STAB2: variants seen among roughly 807,000 people sequenced by gnomAD.
STAB2 encodes stabilin 2, also known as stabilin-2.
Under a neutral mutation model 338.1 loss-of-function variants are expected in STAB2, and 288 were observed. The ratio of observed to expected loss-of-function variants is 0.85; its 90% CI spans 0.77 to 0.94. The LOEUF is 0.94. Among genes scored for constraint, STAB2 ranks in the 40% least tolerant of loss-of-function variants. The pLI, the probability that STAB2 is intolerant of heterozygous loss-of-function variation, is 0.00. For missense variants in STAB2, 3,141 were observed against 3,210.1 expected, an observed-to-expected ratio of 0.98 and a Z score of 0.52; for synonymous variants, 1,202 against 1,193.3, an observed-to-expected ratio of 1.01 and a Z score of -0.15.
chr12:103,704,831 T>A (rs934793989), intron 36 of STAB2: 6 of 457,074 alleles, frequency 1.3e-5, no homozygotes, highest in Non-Finnish European at 2.3e-5. Context: ...TTCATATGAA[T>A]CAACAGACAG....
At position 103,727,331 on chromosome 12, in the gene STAB2, C is replaced by T. The variant is rs1445203067; in HGVS notation, c.4916C>T (p.Ala1639Val). Residue 1639 changes from alanine (A) to valine (V), a missense_variant, in exon 47 of 69, where the codon GCC (alanine) becomes GTC (valine). By Grantham distance (64) the Ala-to-Val change is moderately conservative. Transcript: ENST00000388887. The stretch of plus-strand genomic sequence containing the variant: ...ACTGTTTTTGCACCTTTATCTGCAG[C>T]CTTTGATGAGGAAGCTCGGGTGAGC... ...PFTVFAPLSA[A>V]FDEEARVKDW... 1.2e-6 allele frequency: 2 copies of T among 1,614,078 alleles called. No homozygotes were observed. Among genetic ancestry groups the T allele is most frequent in the East Asian group, 2.2e-5 (1 of 44,902 alleles).
intron 57 of STAB2, 75 bp downstream of exon 57, chr12:103,745,352 T>G: frequency 7.3e-7 from 1 of 1,363,738 alleles, no homozygotes; most frequent in Non-Finnish European, 1.0e-6. Flanking sequence ...CAAGTGAGGT[T>G]GGGAGTCTGA....
chr12:103,634,735 G>A (rs145125822), intron 6 of STAB2, among the ~76,000 whole-genome samples: 9 of 152,348 alleles, frequency 5.9e-5, no homozygotes, highest in South Asian at 2.1e-4. Flanking sequence ...CCTGGCTGGC[G>A]CCAGCTTCCC....
intron 50 of STAB2, among the ~76,000 whole-genome samples, chr12:103,732,395 A>G (rs145079174): frequency 8.3e-4 from 127 of 152,342 alleles, no homozygotes; most frequent in Middle Eastern, 3.4e-3. Flanking sequence ...AAGATTGCAG[A>G]GGAGAATAGG....
At chr12:103,763,261 C>A in intron 67 of STAB2, 1 of 528,684 alleles carries the variant, frequency 1.9e-6, no homozygotes, top group Non-Finnish European at 3.4e-6. Flanking sequence ...ATGGAAATGC[C>A]CTATGTGCCG....
intron 51 of STAB2, among the ~76,000 whole-genome samples, chr12:103,733,765 GATC>G (rs1384223804): frequency 1.3e-5 from 2 of 151,762 alleles, no homozygotes; most frequent in Admixed American, 6.6e-5. Flanking sequence ...GAACATACAT[GATC>G]ATATAGGAAC....
At chr12:103,588,418 G>GT (rs958487324) in intron 1 of STAB2, among the ~76,000 whole-genome samples, 2 of 152,066 alleles carry the variant, frequency 1.3e-5, no homozygotes, top group Non-Finnish European at 2.9e-5. Flanking sequence ...CCCTGAGCAC[G>GT]TTTTTTAATC....
chr12:103,620,969 C>T (rs879748368), intron 4 of STAB2, among the ~76,000 whole-genome samples: 7 of 151,942 alleles, frequency 4.6e-5, no homozygotes, highest in South Asian at 2.1e-4. Context: ...TGGTGGTGGG[C>T]GCCTATAGTC....
chr12:103,609,782 G>A (rs996177890), intron 3 of STAB2, among the ~76,000 whole-genome samples: 1 of 152,126 alleles, frequency 6.6e-6, no homozygotes, highest in Non-Finnish European at 1.5e-5. Flanking sequence ...CAAAGGGAAT[G>A]CTTCCAGTTT....
intron 6 of STAB2, 131 bp from the exon 7 acceptor site, chr12:103,636,980 C>A: frequency 2.1e-6 from 2 of 969,776 alleles, no homozygotes; most frequent in Non-Finnish European, 2.8e-6. Context: ...TTTAACTTAA[C>A]GTGTTCTGTA....
chr12:103,766,002 T>C (rs1265087923), intron 68 of STAB2: 1 of 571,394 alleles, frequency 1.8e-6, no homozygotes, highest in South Asian at 1.6e-5. Context: ...CCTACCTCCC[T>C]GTGAGGTATA....
intron 3 of STAB2, among the ~76,000 whole-genome samples, chr12:103,605,877 A>T (rs1411586354): frequency 6.6e-6 from 1 of 151,988 alleles, no homozygotes; most frequent in East Asian, 1.9e-4. Context: ...TGTAGGCAGC[A>T]TATAGTTAGG....
At chr12:103,609,812 T>C (rs1164421982) in intron 3 of STAB2, among the ~76,000 whole-genome samples, 1 of 152,188 alleles carries the variant, frequency 6.6e-6, no homozygotes, top group East Asian at 1.9e-4. Flanking sequence ...CAGTATGATA[T>C]TGGCTGTGGG....
At position 103,742,554 on chromosome 12, in the gene STAB2, C is replaced by A. The variant is rs143211432; in HGVS notation, c.6031C>A (p.Pro2011Thr). ...GGGGAGATTCGGGCCTGATTGTCTG[C>A]GTATGTGGCGCCGCTTCTCCGTGCT... ...WPGRFGPDCLPCGCSDHGQCD... is the reference protein window; with the variant it reads ...WPGRFGPDCLTCGCSDHGQCD... The change falls in exon 56 of 69, where the codon CCC (proline) becomes ACC (threonine). Residue 2011 changes from proline to threonine, a missense_variant and splice_region_variant. By Grantham distance (38) the Pro-to-Thr change is conservative. Transcript: ENST00000388887. 5.1e-4 allele frequency: 830 copies of A among 1,614,094 alleles called. 1 individual carries two copies. Among genetic ancestry groups the A allele is most frequent in the Admixed American group, 9.0e-4 (54 of 60,008 alleles).
intron 9 of STAB2, among the ~76,000 whole-genome samples, chr12:103,642,250 AC>A (rs1044337046): frequency 1.3e-5 from 2 of 152,194 alleles, no homozygotes; most frequent in African/African-American, 4.8e-5. Flanking sequence ...TTGCCTTTTT[AC>A]TTTTACTTAT....
intron 25 of STAB2, among the ~76,000 whole-genome samples, chr12:103,679,312 G>A (rs1320521819): frequency 6.6e-6 from 1 of 151,912 alleles, no homozygotes; most frequent in East Asian, 1.9e-4. Context: ...AGGTTGCGGT[G>A]AACTGAGATC....
rs374848555 is a variant in STAB2 at position 103,660,669 on chromosome 12, T to A, written c.1789-14T>A. ...TCCCAAATATCTCTGCCTTTTGTTCTCTTCTTATTGCAGCTTGAAGTGGCC... is the reference window on the plus strand; with the variant it reads ...TCCCAAATATCTCTGCCTTTTGTTCACTTCTTATTGCAGCTTGAAGTGGCC... On this transcript the variant is annotated splice_polypyrimidine_tract_variant and intron_variant, in intron 16 of 68. Transcript: ENST00000388887. 7.9e-4 allele frequency: 1,283 copies of A among 1,613,952 alleles called. 1 individual carries two copies. Among genetic ancestry groups the A allele is most frequent in the Non-Finnish European group, 1.0e-3 (1,206 of 1,179,950 alleles).
At chr12:103,686,494 A>G (rs1302283666) in intron 27 of STAB2, among the ~76,000 whole-genome samples, 1 of 152,022 alleles carries the variant, frequency 6.6e-6, no homozygotes, top group African/African-American at 2.4e-5. Context: ...CTCCACACAG[A>G]CTTCACTCTT....
intron 30 of STAB2, 38 bp downstream of exon 30, chr12:103,690,576 AAC>A: frequency 6.4e-7 from 1 of 1,558,508 alleles, no homozygotes; most frequent in Non-Finnish European, 8.8e-7. Flanking sequence ...CTTGAAACAT[AAC>A]AGCTTTGTTT....
Sources: gnomAD v4.1 joint callset for allele counts (sites outside exome capture counted in the v4.1 genomes callset) on GRCh38, gnomAD v4.1.1 for gene constraint, MANE v1.5 for transcripts, NCBI Gene and HGNC (gene_info 2026-07-23, HGNC 2026-07-21) for gene names.